The following PABIR3 variants were observed in gnomAD, a reference collection of about 807,000 sequenced individuals.
PABIR3 encodes the protein PABIR family member 1.
Under a neutral mutation model 23.1 loss-of-function variants are expected in PABIR3, and 20 were observed. That is an observed-to-expected ratio of 0.86 (90% CI 0.61 to 1.26). PABIR3 has a LOEUF of 1.26. Among genes scored for constraint, PABIR3 ranks in the 50% most tolerant of loss-of-function variants. The probability of loss-of-function intolerance (pLI) is 0.00; values close to 1 mark genes in which losing one functional copy is unlikely to be tolerated. For missense variants in PABIR3, 189 were observed against 195.4 expected (o/e 0.97, Z 0.20); for synonymous variants, 69 against 68.5 (o/e 1.01, Z -0.04).
chrX:134,848,371 CAA>C (rs1215164406), intron 8 of PABIR3, among the ~76,000 whole-genome samples: 1 of 104,571 alleles, frequency 9.6e-6, no homozygotes, highest in African/African-American at 3.5e-5. Context: ...GCCTGGGCAA[CAA>C]GAGCAAAACT....
At chrX:134,838,645 TCTCCCCCTCCCCCTCCCCCCTC>T (rs2082059420) in intron 4 of PABIR3, 1 of 5,885 alleles carries the variant, frequency 1.7e-4, no homozygotes, top group African/African-American at 1.2e-3. Context: ...TCCCTCTCCC[TCTCCCCCTCCCCCTCCCCCCTC>T]CCCCCCTCCC....
In PABIR3 at chrX:134,809,695, A is replaced by G. The variant is rs948721365; in HGVS notation, c.110+1987A>G. The G allele has an allele frequency of 4.3e-6, 3 of 699,994 alleles. No homozygotes were observed. The African/African-American group carries it at 7.1e-5, about 17-fold the overall frequency. The allele number at this position is 699,994 out of a possible 1,213,427, so 57.7% of individuals were successfully genotyped here. A position where few individuals can be genotyped will look rare whatever the true frequency, so the allele number is the denominator to read the frequency against. ...ACCAGCTTTACCCTCCTTGTTTAAC[A>G]TATGAGGAAACTGAGGCCCATAAAT... On this transcript the variant is annotated intron_variant, in intron 2 of 10. Transcript: ENST00000645433.
At chrX:134,813,705 G>A (rs2080804607) in intron 2 of PABIR3, among the ~76,000 whole-genome samples, 1 of 111,519 alleles carries the variant, frequency 9.0e-6, no homozygotes, top group African/African-American at 3.3e-5. Context: ...CAGGAGCATC[G>A]TTGAGCCTAG....
Position 134,814,771 on chromosome X carries a change from T to C in PABIR3, c.111T>C (p.Gly37=). Residue 37 remains glycine, a splice_region_variant and synonymous_variant, in exon 3 of 11, where the codon GGT becomes GGC. Transcript: ENST00000645433. ...VNSAPLINGL[G]FNSQVLQADM... ...CACATGTTTTTGTTTTTCTTTTTAG[T>C]TTTAATTCACAGGTGTTGCAAGCTG... The C allele has an allele frequency of 8.5e-7, 1 of 1,174,677 alleles. No homozygotes were observed. Among genetic ancestry groups the C allele is most frequent in the Non-Finnish European group, 1.1e-6 (1 of 875,007 alleles).
At chrX:134,800,102 C>T (rs1333990451) in intron 1 of PABIR3, among the ~76,000 whole-genome samples, 1 of 109,791 alleles carries the variant, frequency 9.1e-6, no homozygotes, top group Non-Finnish European at 1.9e-5. Flanking sequence ...AGTTCGAGAC[C>T]AGCCTGGCCA....
At position 134,807,335 on chromosome X, in the gene PABIR3, C is replaced by G. The variant is rs1227421382; in HGVS notation, c.-66C>G. ...TTAAATTCCCCAGTTACATTATAGA[C>G]TTGGAGGTGGGGGATCTTCTCATCG... On this transcript the variant is annotated 5_prime_UTR_variant, in exon 1 of 11. Coordinates refer to ENST00000645433, the MANE Select transcript of PABIR3 (RefSeq NM_001388447.1). 2.5e-5 allele frequency: 24 copies of G among 954,015 alleles called. No individual in the cohort carries two copies. The highest frequency in any genetic ancestry group is 5.4e-5 in the Admixed American group (1 of 18,601). 78.6% of individuals were successfully genotyped at this position (954,015 alleles called of 1,213,427 possible).
At chrX:134,853,468 TA>T (rs2082704572) in intron 10 of PABIR3, among the ~76,000 whole-genome samples, 1 of 111,650 alleles carries the variant, frequency 9.0e-6, no homozygotes, top group Admixed American at 9.6e-5. Context: ...GAGAAATACA[TA>T]AAAATGCATC....
At chrX:134,807,949 T>C (rs778325237) in intron 2 of PABIR3, among the ~76,000 whole-genome samples, 14 of 111,217 alleles carry the variant, frequency 1.3e-4, no homozygotes, top group East Asian at 2.9e-4. Context: ...CCTCCCCTGA[T>C]AGTCCACTCG....
intron 2 of PABIR3, chrX:134,808,313 C>T (rs1017074455): frequency 3.5e-6 from 1 of 288,441 alleles, no homozygotes; most frequent in East Asian, 4.9e-5. Flanking sequence ...CCTCAGCCTC[C>T]CTAGTAGCTA....
At chrX:134,862,142 G>GTTTTTTTTTT in the PABIR3 span, among the ~76,000 whole-genome samples, 2 of 47,909 alleles carry the variant, frequency 4.2e-5, no homozygotes, top group African/African-American at 1.9e-4. Context: ...TTTATTGGCT[G>GTTTTTTTTTT]TTTTTTTTTT....
intron 1 of PABIR3, among the ~76,000 whole-genome samples, chrX:134,798,810 A>C (rs2079981500): frequency 1.8e-5 from 2 of 112,411 alleles, no homozygotes; most frequent in Admixed American, 1.9e-4. Context: ...TAAAGGTAGC[A>C]GGCATCACTG....
chrX:134,800,130 C>G (rs1291788433), intron 1 of PABIR3, among the ~76,000 whole-genome samples: 3 of 108,907 alleles, frequency 2.8e-5, no homozygotes, highest in African/African-American at 1.0e-4. Context: ...GAAACCCTGT[C>G]TATACTAAAA....
At chrX:134,829,321 A>C in intron 4 of PABIR3, 39 bp downstream of exon 4, 1 of 1,102,930 alleles carries the variant, frequency 9.1e-7, no homozygotes, top group Non-Finnish European at 1.2e-6. Context: ...TTCATTTAAA[A>C]AAGTAAATTT....
At position 134,847,945 on chromosome X, in the gene PABIR3, TC is replaced by T; in HGVS notation, c.504del (p.Ser169ValfsTer8). On this transcript the variant is annotated frameshift_variant, in exon 8 of 11. Coordinates refer to ENST00000645433, the MANE Select transcript of PABIR3 (RefSeq NM_001388447.1). LOFTEE classifies it high-confidence loss of function. ...GCACTGGTTCGCCTTCAAGTCCTAT[TC>T]CCAGTCCTATGCAACAATACATCAT... is the stretch of plus-strand genomic sequence containing the variant. ...SCTGSPSSPI[P>X]SPMQQYIIRS... 1 of 1,153,536 alleles carries T rather than the reference TC, an allele frequency of 8.7e-7. No homozygotes were observed. The highest frequency in any genetic ancestry group is 1.1e-6 in the Non-Finnish European group (1 of 870,902).
intron 9 of PABIR3, among the ~76,000 whole-genome samples, chrX:134,850,508 C>T (rs181281562): frequency 2.7e-5 from 3 of 111,346 alleles, no homozygotes; most frequent in African/African-American, 6.5e-5. Flanking sequence ...CTGTGAAATT[C>T]GGGCTAGTGT....
intron 2 of PABIR3, among the ~76,000 whole-genome samples, chrX:134,808,547 A>AT (rs1180161506): frequency 1.4e-4 from 15 of 110,955 alleles, no homozygotes; most frequent in Non-Finnish European, 1.9e-5. Flanking sequence ...CTCCCGGCTA[A>AT]TTTTTTGTAT....
downstream of PABIR3, among the ~76,000 whole-genome samples, chrX:134,856,042 A>T: frequency 8.9e-6 from 1 of 111,861 alleles, no homozygotes; most frequent in South Asian, 3.7e-4. Context: ...ATGTTCAAGC[A>T]CAAGGACTAA....
At chrX:134,828,041 C>CTATATA (rs796193908) in intron 3 of PABIR3, among the ~76,000 whole-genome samples, 115 of 71,649 alleles carry the variant, frequency 1.6e-3, no homozygotes, top group Non-Finnish European at 2.4e-3. Flanking sequence ...CTCTCTCTCT[C>CTATATA]TCTCTCTATA....
chrX:134,821,276 T>G, intron 3 of PABIR3: 2 of 716,203 alleles, frequency 2.8e-6, no homozygotes, highest in Non-Finnish European at 3.8e-6. Context: ...AACTGTTCCC[T>G]CACAATTATT....
Sources: allele counts gnomAD v4.1 joint callset (sites outside exome capture counted in the v4.1 genomes callset), GRCh38; gene constraint gnomAD v4.1.1; transcripts MANE v1.5; gene names NCBI Gene and HGNC (gene_info 2026-07-23, HGNC 2026-07-21).